Variants in ELOC observed in about 807,000 individuals in gnomAD.
ELOC encodes elongin-C.
For missense variants in ELOC, 38 were observed against 139.0 expected (o/e 0.27, Z 3.65); for synonymous variants, 40 against 51.3 (o/e 0.78, Z 0.94).
chr8:73,966,889 A>G (rs1413487374), intron 1 of ELOC, among the ~76,000 whole-genome samples: 2 of 152,080 alleles, frequency 1.3e-5, no homozygotes, highest in East Asian at 3.9e-4. Context: ...TGCTGCTATC[A>G]TTTCTGAAGA....
chr8:73,959,726 C>T lies in ELOC; in HGVS notation c.4+39G>A, dbSNP rs148400177. The T allele has an allele frequency of 5.0e-5, 75 of 1,504,368 alleles. No homozygotes were observed. The East Asian group carries it at 1.7e-3, about 35-fold the overall frequency. The allele number at this position is 1,504,368 out of a possible 1,614,324, so 93.2% of individuals were successfully genotyped here. A position where few individuals can be genotyped will look rare whatever the true frequency, so the allele number is the denominator to read the frequency against. On this transcript the variant is annotated intron_variant, in intron 2 of 3. Coordinates refer to ENST00000520242, the MANE Select transcript of ELOC (RefSeq NM_005648.4). Reference sequence around the variant, plus strand: ...AGATCTTTGAAACAAAGTCCAGTTTCTACTAGTTAAAACACAAAATTAATT... The same window carrying T: ...AGATCTTTGAAACAAAGTCCAGTTTTTACTAGTTAAAACACAAAATTAATT...
Position 73,945,574 on chromosome 8 carries a change from T to C in ELOC, c.*1056A>G, listed in dbSNP as rs1303279161. The C allele has an allele frequency of 6.6e-6, 1 of 152,192 alleles. No individual in the cohort carries two copies. The highest frequency in any genetic ancestry group is 1.5e-5 in the Non-Finnish European group (1 of 68,046). The allele number at this position is 152,192 out of a possible 1,614,324, so 9.4% of individuals were successfully genotyped here. On this transcript the variant is annotated 3_prime_UTR_variant, in exon 4 of 4. Transcript: ENST00000520242. Reference sequence around the variant, plus strand: ...GATGCTGTCATATTTTTTCAAAAAATTTTTTGGCTGCTTAATAGAAAAGCT... The same window carrying C: ...GATGCTGTCATATTTTTTCAAAAAACTTTTTGGCTGCTTAATAGAAAAGCT...
At chr8:73,953,205 C>A (rs191655707) in intron 3 of ELOC, among the ~76,000 whole-genome samples, 3 of 152,262 alleles carry the variant, frequency 2.0e-5, no homozygotes, top group African/African-American at 7.2e-5. Context: ...ACTCAGGAGG[C>A]TGAGGCATGA....
chr8:73,945,906 T>G lies in ELOC; in HGVS notation c.*724A>C, dbSNP rs981529266. 6.6e-6 allele frequency: 1 copy of G among 151,462 alleles called. No individual in the cohort carries two copies. Among genetic ancestry groups the G allele is most frequent in the Non-Finnish European group, 1.5e-5 (1 of 68,012 alleles). The allele number at this position is 151,462 out of a possible 1,614,324, so 9.4% of individuals were successfully genotyped here. A position where few individuals can be genotyped will look rare whatever the true frequency, so the allele number is the denominator to read the frequency against. On this transcript the variant is annotated 3_prime_UTR_variant, in exon 4 of 4. Coordinates refer to ENST00000520242, the MANE Select transcript of ELOC (RefSeq NM_005648.4). ...AATAAATATTGCAAACGACGCTTTA[T>G]AGTCAATGCAAATACAGTACTTTGA... is the stretch of plus-strand genomic sequence containing the variant.
chr8:73,959,089 A>G (rs900131), intron 2 of ELOC, among the ~76,000 whole-genome samples: 25,882 of 152,188 alleles, frequency 0.17, 2,553 homozygotes, highest in Middle Eastern at 0.3. Flanking sequence ...GTATACCTGT[A>G]TAGGGCACTC....
chr8:73,953,246 C>A (rs1441352916), intron 3 of ELOC, among the ~76,000 whole-genome samples: 1 of 149,008 alleles, frequency 6.7e-6, no homozygotes, highest in Non-Finnish European at 1.5e-5. Context: ...GTGGAGGTTG[C>A]GGTGAGTGGA....
intron 1 of ELOC, among the ~76,000 whole-genome samples, chr8:73,963,914 G>A (rs911946011): frequency 2.6e-5 from 4 of 151,964 alleles, no homozygotes; most frequent in African/African-American, 9.7e-5. Flanking sequence ...CCAACATGGT[G>A]AAACCCCGTC....
At chr8:73,955,844 T>C in intron 3 of ELOC, 67 bp downstream of exon 3, 2 of 1,467,578 alleles carry the variant, frequency 1.4e-6, no homozygotes, top group East Asian at 2.3e-5. Context: ...AATCATTAAT[T>C]CAACTTAAAA....
intron 1 of ELOC, among the ~76,000 whole-genome samples, chr8:73,969,296 T>C (rs141216406): frequency 5.9e-5 from 9 of 152,368 alleles, no homozygotes; most frequent in African/African-American, 1.9e-4. Context: ...TGATTCGTTA[T>C]TCAAAAAACA....
intron 1 of ELOC, among the ~76,000 whole-genome samples, chr8:73,963,107 C>T (rs10504551): frequency 0.31 from 46,394 of 151,908 alleles, 7,346 homozygotes; most frequent in Admixed American, 0.39. Flanking sequence ...TGGCCTGAGA[C>T]GTCATTATGC....
chr8:73,953,660 CA>C (rs1375581566), intron 3 of ELOC, among the ~76,000 whole-genome samples: 72 of 136,136 alleles, frequency 5.3e-4, no homozygotes, highest in Admixed American at 6.7e-4. Flanking sequence ...AACTCTGTCT[CA>C]AAAAAAAAAA....
At chr8:73,969,673 C>T (rs1815226631) in intron 1 of ELOC, 2 of 152,194 alleles carry the variant, frequency 1.3e-5, no homozygotes, top group Admixed American at 1.3e-4. Context: ...CCCTGATGAT[C>T]CTACCAAAAT....
chr8:73,956,384 C>CA (rs1316223448), intron 2 of ELOC, among the ~76,000 whole-genome samples: 5 of 150,700 alleles, frequency 3.3e-5, no homozygotes, highest in Middle Eastern at 3.4e-3. Flanking sequence ...AGCTCCATCT[C>CA]AAAAAAAATA....
At chr8:73,958,907 T>C (rs992366468) in intron 2 of ELOC, among the ~76,000 whole-genome samples, 1 of 152,178 alleles carries the variant, frequency 6.6e-6, no homozygotes, top group Non-Finnish European at 1.5e-5. Flanking sequence ...TTACTAAATC[T>C]AGAGTGTATT....
At chr8:73,950,770 G>A (rs1417649024) in intron 3 of ELOC, among the ~76,000 whole-genome samples, 1 of 152,196 alleles carries the variant, frequency 6.6e-6, no homozygotes, top group Non-Finnish European at 1.5e-5. Flanking sequence ...TTTTAACTAT[G>A]AGTTTACAGA....
At chr8:73,962,586 A>C (rs1015278345) in intron 1 of ELOC, among the ~76,000 whole-genome samples, 7 of 150,200 alleles carry the variant, frequency 4.7e-5, no homozygotes, top group African/African-American at 1.2e-4. Context: ...AAAAAAAAAA[A>C]CAAAACAAAT....
intron 2 of ELOC, among the ~76,000 whole-genome samples, chr8:73,959,097 C>T (rs143246347): frequency 5.8e-4 from 88 of 152,258 alleles, no homozygotes; most frequent in African/African-American, 1.8e-3. Context: ...GTATAGGGCA[C>T]TCACGATGAA....
intron 1 of ELOC, among the ~76,000 whole-genome samples, chr8:73,963,831 G>A (rs1052482126): frequency 9.9e-5 from 15 of 152,134 alleles, no homozygotes; most frequent in African/African-American, 1.9e-4. Flanking sequence ...GATGGCTCAC[G>A]CCTATAATCC....
intron 1 of ELOC, among the ~76,000 whole-genome samples, chr8:73,971,032 CAAAAAAAAA>C (rs67188912): frequency 3.2e-5 from 2 of 62,036 alleles, no homozygotes; most frequent in Non-Finnish European, 6.0e-5. Flanking sequence ...GACTCCGTCT[CAAAAAAAAA>C]AAAAAAAAAA....
Sources: gnomAD v4.1 joint callset for allele counts (sites outside exome capture counted in the v4.1 genomes callset) on GRCh38, gnomAD v4.1.1 for gene constraint, MANE v1.5 for transcripts, NCBI Gene and HGNC (gene_info 2026-07-23, HGNC 2026-07-21) for gene names.